ZMYND8: variants seen among roughly 807,000 people sequenced by gnomAD.
ZMYND8 encodes the protein zinc finger MYND-type containing 8.
Under a neutral mutation model 140.8 loss-of-function variants are expected in ZMYND8, and 37 were observed. The ratio of observed to expected loss-of-function variants is 0.26; its 90% CI spans 0.20 to 0.35. ZMYND8 has a LOEUF of 0.35. Ranked by LOEUF, ZMYND8 falls within the 10% of genes least tolerant of loss-of-function variation. The pLI is 1.00. For synonymous variants in ZMYND8, 592 were observed against 597.1 expected (o/e 0.99, Z 0.12); for missense variants, 1,068 against 1,570.0 (o/e 0.68, Z 5.40).
chr20:47,317,443 T>C (rs1013715), intron 2 of ZMYND8, among the ~76,000 whole-genome samples: 16,448 of 142,592 alleles, frequency 0.12, 944 homozygotes, highest in South Asian at 0.2. Context: ...TCACAGCACA[T>C]GCCGTTCTCC....
At chr20:47,231,421 C>T (rs189898118) in intron 16 of ZMYND8, among the ~76,000 whole-genome samples, 2 of 152,294 alleles carry the variant, frequency 1.3e-5, no homozygotes, top group Admixed American at 6.5e-5. Context: ...ACAAGAACTG[C>T]ATGCCGCCCC....
chr20:47,255,720 GTGTATATATA>G (rs1249983348), intron 12 of ZMYND8, among the ~76,000 whole-genome samples: 1 of 27,240 alleles, frequency 3.7e-5, no homozygotes, highest in Non-Finnish European at 7.7e-5. Context: ...CCGTGTATGT[GTGTATATATA>G]TATATATATA....
In ZMYND8 at chr20:47,212,709, G is replaced by C. The variant is rs1394196164; in HGVS notation, c.3501C>G (p.Asp1167Glu). 1 of 1,612,330 alleles carries C rather than the reference G, an allele frequency of 6.2e-7. No homozygotes were observed. The highest frequency in any genetic ancestry group is 1.7e-5 in the Admixed American group (1 of 59,846). Residue 1167 changes from aspartate (D) to glutamate (E), a missense_variant, in exon 22 of 23, where the codon GAC (aspartate) becomes GAG (glutamate). Asp to Glu is a conservative substitution (Grantham distance 45, BLOSUM62 2). This residue lies in a region of ZMYND8 where 180 missense variants were observed against 187.8 expected (regional missense o/e 0.96). Transcript: ENST00000471951. Reference sequence around the variant, plus strand: ...TGGTTGGGGCATAGGCAGGTTGCTTGTCACACCTTTTGCTAACTGAAGAGA... The same window carrying C: ...TGGTTGGGGCATAGGCAGGTTGCTTCTCACACCTTTTGCTAACTGAAGAGA... Reference protein sequence around the residue: ...SNQGSVSKRCDKQPAYAPTTT... With the variant: ...SNQGSVSKRCEKQPAYAPTTT...
In ZMYND8 at chr20:47,333,822, C is replaced by T. The variant is rs142397922; in HGVS notation, c.85+14034G>A. Among the ~76,000 whole-genome samples the T allele has an allele frequency of 3.4e-4, 49 of 145,652 alleles. No homozygotes were observed. The East Asian group carries it at 8.9e-3, about 26-fold the overall frequency. The stretch of plus-strand genomic sequence containing the variant: ...ACTCAGGAGGCTGAGGCAGGAGAAT[C>T]GCTTGAACCAGGAAGCAGAGGGGTG... On this transcript the variant is annotated intron_variant, in intron 2 of 22. Transcript: ENST00000471951.
intron 10 of ZMYND8, among the ~76,000 whole-genome samples, chr20:47,279,401 G>A (rs1004273078): frequency 2.0e-5 from 3 of 151,958 alleles, no homozygotes; most frequent in African/African-American, 4.8e-5. Flanking sequence ...ATGAGCCACT[G>A]CACTCCAGCC....
intron 6 of ZMYND8, among the ~76,000 whole-genome samples, chr20:47,290,544 T>C (rs952624310): frequency 5.3e-5 from 8 of 151,962 alleles, no homozygotes; most frequent in African/African-American, 9.7e-5. Context: ...TCATTTATCA[T>C]GTAGCTTCTT....
intron 17 of ZMYND8, 63 bp downstream of exon 17, chr20:47,229,663 C>T: frequency 1.3e-6 from 2 of 1,511,608 alleles, no homozygotes; most frequent in Non-Finnish European, 1.8e-6. Flanking sequence ...CTTCATGGTA[C>T]CACCTTTAAA....
chr20:47,243,001 G>T (rs908425062), intron 14 of ZMYND8, among the ~76,000 whole-genome samples: 1 of 152,114 alleles, frequency 6.6e-6, no homozygotes, highest in Non-Finnish European at 1.5e-5. Flanking sequence ...TATAAAGCAA[G>T]GACTTTTTAA....
chr20:47,331,392 G>C (rs2080930226), intron 2 of ZMYND8, among the ~76,000 whole-genome samples: 1 of 152,196 alleles, frequency 6.6e-6, no homozygotes, highest in East Asian at 1.9e-4. Flanking sequence ...GAAGAATGGG[G>C]AATGAGTCCA....
intron 12 of ZMYND8, among the ~76,000 whole-genome samples, chr20:47,255,829 T>C (rs1371303714): frequency 1.4e-5 from 2 of 144,422 alleles, no homozygotes; most frequent in Admixed American, 1.4e-4. Flanking sequence ...TGTATGTATA[T>C]ATATATACAC....
Position 47,209,247 on chromosome 20 carries a change from T to TA in ZMYND8, c.*1513dup, listed in dbSNP as rs1478402318. 4 of 144,952 alleles carry TA rather than the reference T, an allele frequency of 2.8e-5. No homozygotes were observed. Among genetic ancestry groups the TA allele is most frequent in the Non-Finnish European group, 4.5e-5 (3 of 66,306 alleles). The allele number at this position is 144,952 out of a possible 1,614,324, so 9.0% of individuals were successfully genotyped here. ...CCAAAACAGTTTAATTAAAAAAAGG[T>TA]AAAGAAATCTGAAAAAACTGGGGGG... On this transcript the variant is annotated 3_prime_UTR_variant, in exon 23 of 23. Coordinates refer to ENST00000471951, the MANE Select transcript of ZMYND8 (RefSeq NM_001281775.3).
At chr20:47,308,956 G>A (rs188998764) in intron 3 of ZMYND8, among the ~76,000 whole-genome samples, 49 of 152,298 alleles carry the variant, frequency 3.2e-4, no homozygotes, top group African/African-American at 1.1e-3. Flanking sequence ...AGGAATCACT[G>A]CTGAAGAACA....
chr20:47,283,495 G>A (rs992243867), intron 9 of ZMYND8, 76 bp downstream of exon 9: 2 of 1,489,082 alleles, frequency 1.3e-6, no homozygotes, highest in African/African-American at 2.8e-5. Flanking sequence ...TAAGCCACCT[G>A]GAAAAAGCTG....
intron 2 of ZMYND8, 53 bp from the exon 3 acceptor site, chr20:47,310,257 C>G: frequency 1.3e-6 from 2 of 1,541,602 alleles, no homozygotes; most frequent in South Asian, 2.6e-5. Flanking sequence ...GGCCTGGGCC[C>G]CACAGGGAGG....
intron 2 of ZMYND8, among the ~76,000 whole-genome samples, chr20:47,336,591 C>T (rs2081402004): frequency 6.6e-6 from 1 of 152,206 alleles, no homozygotes. Flanking sequence ...CTTCAAGGCG[C>T]TTGTTCTGAC....
chr20:47,227,423 T>C (rs1307064754), intron 17 of ZMYND8, 142 bp from the exon 18 acceptor site: 3 of 752,770 alleles, frequency 4.0e-6, no homozygotes, highest in Non-Finnish European at 6.5e-6. Context: ...AGGTGATCAC[T>C]GGTGGGTGAA....
intron 2 of ZMYND8, among the ~76,000 whole-genome samples, chr20:47,313,039 C>T (rs1048986431): frequency 2.0e-5 from 3 of 152,044 alleles, no homozygotes; most frequent in African/African-American, 7.2e-5. Context: ...TTGAAACAAA[C>T]GTCTGCAAAC....
chr20:47,280,971 G>A (rs1408456260), intron 10 of ZMYND8, among the ~76,000 whole-genome samples: 1 of 152,134 alleles, frequency 6.6e-6, no homozygotes, highest in African/African-American at 2.4e-5. Flanking sequence ...CCTGACCTGA[G>A]ATTATCTTGC....
intron 2 of ZMYND8, among the ~76,000 whole-genome samples, chr20:47,325,455 TC>T (rs1284682765): frequency 6.6e-6 from 1 of 152,170 alleles, no homozygotes; most frequent in Non-Finnish European, 1.5e-5. Flanking sequence ...CTCCAGTTTT[TC>T]TTCCCCAGTC....
Sources: gnomAD v4.1 joint callset for allele counts (sites outside exome capture counted in the v4.1 genomes callset) on GRCh38, gnomAD v4.1.1 for gene constraint, gnomAD v4.1.1 regional missense constraint, MANE v1.5 for transcripts, NCBI Gene and HGNC (gene_info 2026-07-23, HGNC 2026-07-21) for gene names.